RNF8: variants seen among roughly 807,000 people sequenced by gnomAD.
RNF8 encodes the protein ring finger protein 8.
Under a neutral mutation model 59.3 loss-of-function variants are expected in RNF8, and 8 were observed. That is an observed-to-expected ratio of 0.13 (90% CI 0.08 to 0.24). The LOEUF (loss-of-function observed/expected upper bound fraction) is 0.24, where lower values mean the gene tolerates loss of function less well. Among genes scored for constraint, RNF8 ranks in the 10% least tolerant of loss-of-function variants. The pLI is 1.00. For synonymous variants in RNF8, 162 were observed against 200.0 expected (o/e 0.81, Z 1.60); for missense variants, 406 against 572.6 (o/e 0.71, Z 2.97).
chr6:37,378,078 G>A (rs1770096192), intron 6 of RNF8, among the ~76,000 whole-genome samples: 1 of 152,190 alleles, frequency 6.6e-6, no homozygotes, highest in Non-Finnish European at 1.5e-5. Flanking sequence ...AGGATCACCT[G>A]AGGTTAGGAG....
intron 2 of RNF8, among the ~76,000 whole-genome samples, chr6:37,362,315 G>A (rs554432892): frequency 2.0e-5 from 3 of 152,264 alleles, no homozygotes; most frequent in Admixed American, 1.3e-4. Flanking sequence ...TCAACCACAG[G>A]GATACAGAGG....
rs1349174108 is a variant in RNF8 at position 37,392,670 on chromosome 6, TTGTG to T, written c.*1914_*1917del. On this transcript the variant is annotated 3_prime_UTR_variant, in exon 8 of 8. Transcript: ENST00000373479. The stretch of plus-strand genomic sequence containing the variant: ...TTTATTACAGCTGCCTGTTTTTTCA[TTGTG>T]TATTTGCACCATCATTTACTTTTCT... 2.5e-6 allele frequency: 1 copy of T among 398,624 alleles called. No individual in the cohort carries two copies. Among genetic ancestry groups the T allele is most frequent in the Admixed American group, 4.4e-5 (1 of 22,742 alleles). The allele number at this position is 398,624 out of a possible 1,614,324, so 24.7% of individuals were successfully genotyped here.
intron 2 of RNF8, among the ~76,000 whole-genome samples, chr6:37,363,879 A>G (rs1439442289): frequency 6.6e-6 from 1 of 152,200 alleles, no homozygotes; most frequent in Non-Finnish European, 1.5e-5. Context: ...TAAACCTCAC[A>G]TAATATTGAG....
intron 1 of RNF8, among the ~76,000 whole-genome samples, chr6:37,354,722 G>A (rs1452991374): frequency 2.0e-5 from 3 of 151,668 alleles, no homozygotes; most frequent in Non-Finnish European, 2.9e-5. Flanking sequence ...TGTCGAGGAG[G>A]GGAGGGCGGG....
At chr6:37,359,349 C>A in intron 1 of RNF8, 1 of 339,458 alleles carries the variant, frequency 2.9e-6, no homozygotes, top group Non-Finnish European at 5.7e-6. Context: ...GAAGGTATAT[C>A]CAGATGGTGT....
At chr6:37,365,070 G>C (rs1769493334) in intron 2 of RNF8, among the ~76,000 whole-genome samples, 1 of 151,952 alleles carries the variant, frequency 6.6e-6, no homozygotes, top group Non-Finnish European at 1.5e-5. Context: ...CACCTGGCCT[G>C]TAGTGGCTTT....
intron 3 of RNF8, among the ~76,000 whole-genome samples, chr6:37,369,523 A>G (rs191990998): frequency 6.6e-6 from 1 of 152,354 alleles, no homozygotes; most frequent in East Asian, 1.9e-4. Context: ...CAGAACCAAC[A>G]TGAATTCAGG....
chr6:37,354,337 A>T lies in RNF8; in HGVS notation c.111+62A>T. On this transcript the variant is annotated intron_variant, in intron 1 of 7. Transcript: ENST00000373479. The stretch of plus-strand genomic sequence containing the variant: ...GGCTGGAGGGAGCGGGGCTCCGGGG[A>T]GGGAGGAAGGTGTCTTGCTGGGCTG... The T allele has an allele frequency of 3.9e-6, 5 of 1,287,780 alleles. No homozygotes were observed. In the South Asian group the frequency reaches 7.2e-5, roughly 18 times the overall value. 79.8% of individuals were successfully genotyped at this position (1,287,780 alleles called of 1,614,324 possible).
intron 1 of RNF8, among the ~76,000 whole-genome samples, chr6:37,355,301 A>G (rs1769070649): frequency 6.6e-6 from 1 of 152,112 alleles, no homozygotes; most frequent in South Asian, 2.1e-4. Flanking sequence ...GTAAAAGTGG[A>G]TGGTTGGTCA....
rs769854325 is a variant in RNF8 at position 37,391,208 on chromosome 6, C to T, written c.*450C>T. ...TCTTTGTGAAAATACTATCTCATTT[C>T]CTGGAAATAAAATGTAAAACCTGTC... On this transcript the variant is annotated 3_prime_UTR_variant, in exon 8 of 8. Transcript: ENST00000373479. 5.3e-5 allele frequency: 10 copies of T among 189,744 alleles called. No homozygotes were observed. Among genetic ancestry groups the T allele is most frequent in the Non-Finnish European group, 9.8e-5 (9 of 91,878 alleles). The allele number at this position is 189,744 out of a possible 1,614,324, so 11.8% of individuals were successfully genotyped here. A position where few individuals can be genotyped will look rare whatever the true frequency, so the allele number is the denominator to read the frequency against.
intron 1 of RNF8, among the ~76,000 whole-genome samples, chr6:37,354,797 G>A (rs1769052315): frequency 1.3e-5 from 2 of 152,236 alleles, no homozygotes; most frequent in Admixed American, 1.3e-4. Context: ...ACGGTGGCGG[G>A]GGCCGCGAGC....
intron 2 of RNF8, among the ~76,000 whole-genome samples, chr6:37,367,828 C>G (rs778302074): frequency 9.2e-5 from 14 of 152,164 alleles, no homozygotes; most frequent in Non-Finnish European, 1.8e-4. Context: ...GTTCTGCAGA[C>G]AAAACTGAGG....
In RNF8 at chr6:37,354,202, C is replaced by T; in HGVS notation, c.38C>T (p.Ala13Val). 1 of 1,587,232 alleles carries T rather than the reference C, an allele frequency of 6.3e-7. No homozygotes were observed. Among genetic ancestry groups the T allele is most frequent in the Non-Finnish European group, 8.6e-7 (1 of 1,167,744 alleles). The change falls in exon 1 of 8, where the codon GCC (alanine) becomes GTC (valine). Residue 13 changes from alanine to valine, a missense_variant. Physicochemically the swap from Ala to Val is moderately conservative, Grantham distance 64 (BLOSUM62 0). This residue lies in a region of RNF8 where 62 missense variants were observed against 112.2 expected (regional missense o/e 0.55). Coordinates refer to ENST00000373479, the MANE Select transcript of RNF8 (RefSeq NM_003958.4). Reference sequence around the variant, plus strand: ...GGCTTCTTCGTCACAGGAGACCGCGCCGGTGGCCGGAGCTGGTGCCTGCGG... The same window carrying T: ...GGCTTCTTCGTCACAGGAGACCGCGTCGGTGGCCGGAGCTGGTGCCTGCGG... ...EPGFFVTGDR[A>V]GGRSWCLRRV... is the part of the protein sequence containing the mutation.
At position 37,383,725 on chromosome 6, in the gene RNF8, T is replaced by A. The variant is rs1770372739; in HGVS notation, c.1441+2371T>A. Reference sequence around the variant, plus strand: ...GAAGAGGATGGGAGTGTTAGGATGCTGGGTCCTGAGTTGGAGATGGATGCT... The same window carrying A: ...GAAGAGGATGGGAGTGTTAGGATGCAGGGTCCTGAGTTGGAGATGGATGCT... On this transcript the variant is annotated intron_variant, in intron 7 of 7. Coordinates refer to ENST00000373479, the MANE Select transcript of RNF8 (RefSeq NM_003958.4). Among the ~76,000 whole-genome samples, 4 of 152,234 alleles carry A rather than the reference T, an allele frequency of 2.6e-5. No homozygotes were observed. The South Asian group carries it at 8.3e-4, about 32-fold the overall frequency.
rs1396494719 is a variant in RNF8 at position 37,394,432 on chromosome 6, A to G, written c.*3674A>G. On this transcript the variant is annotated 3_prime_UTR_variant, in exon 8 of 8. Coordinates refer to ENST00000373479, the MANE Select transcript of RNF8 (RefSeq NM_003958.4). ...TTGATTCTTCCATTGAGAAAAGCAT[A>G]TGAATCCTAGGAAAGGGCTCAGCCT... The G allele has an allele frequency of 1.3e-5, 2 of 152,200 alleles. No homozygotes were observed. Among genetic ancestry groups the G allele is most frequent in the East Asian group, 1.9e-4 (1 of 5,200 alleles). The allele number at this position is 152,200 out of a possible 1,614,324, so 9.4% of individuals were successfully genotyped here. A position where few individuals can be genotyped will look rare whatever the true frequency, so the allele number is the denominator to read the frequency against.
rs1475782581 is a variant in RNF8, at chr6:37,393,686, C to A, written c.*2928C>A. The A allele has an allele frequency of 6.6e-6, 1 of 152,244 alleles. No homozygotes were observed. Among genetic ancestry groups the A allele is most frequent in the Non-Finnish European group, 1.5e-5 (1 of 68,050 alleles). The allele number at this position is 152,244 out of a possible 1,614,324, so 9.4% of individuals were successfully genotyped here. A position where few individuals can be genotyped will look rare whatever the true frequency, so the allele number is the denominator to read the frequency against. On this transcript the variant is annotated 3_prime_UTR_variant, in exon 8 of 8. Transcript: ENST00000373479. ...GTTATGTTAACCTAGAAAGGGCTCACTCTACCTCTAGGCATGTTTCATCCC... is the reference window on the plus strand; with the variant it reads ...GTTATGTTAACCTAGAAAGGGCTCAATCTACCTCTAGGCATGTTTCATCCC...
chr6:37,383,912 C>T (rs757525425), intron 7 of RNF8, among the ~76,000 whole-genome samples: 8 of 152,162 alleles, frequency 5.3e-5, no homozygotes, highest in Admixed American at 1.3e-4. Flanking sequence ...GAGCAGTCTT[C>T]TGTCAGCTCC....
At chr6:37,356,562 G>A (rs1769122788) in intron 1 of RNF8, among the ~76,000 whole-genome samples, 1 of 152,150 alleles carries the variant, frequency 6.6e-6, no homozygotes. Context: ...AGAGTTTGGT[G>A]GAAAAACAAG....
chr6:37,360,643 G>C lies in RNF8; in HGVS notation c.240+69G>C. ...AATTACTTTTTTTTTTTTTTGCATA[G>C]GTAATTCATGGTATAAAATTCAAAA... is the stretch of plus-strand genomic sequence containing the variant. On this transcript the variant is annotated intron_variant, in intron 2 of 7. Coordinates refer to ENST00000373479, the MANE Select transcript of RNF8 (RefSeq NM_003958.4). This position sits in a 1 kb window ranked among gnomAD's most constrained non-coding sequence, Gnocchi z 4.2. 2.9e-6 allele frequency: 4 copies of C among 1,360,684 alleles called. No individual in the cohort carries two copies. Among genetic ancestry groups the C allele is most frequent in the East Asian group, 2.5e-5 (1 of 39,582 alleles). The allele number at this position is 1,360,684 out of a possible 1,614,324, so 84.3% of individuals were successfully genotyped here. A position where few individuals can be genotyped will look rare whatever the true frequency, so the allele number is the denominator to read the frequency against.
Sources: gnomAD v4.1 joint callset for allele counts (sites outside exome capture counted in the v4.1 genomes callset) on GRCh38, gnomAD v4.1.1 for gene constraint, gnomAD v4.1.1 regional missense constraint, Gnocchi (gnomAD v3.1) non-coding constraint, MANE v1.5 for transcripts, NCBI Gene and HGNC (gene_info 2026-07-23, HGNC 2026-07-21) for gene names.